Variants in ZHX3 observed in about 807,000 individuals in gnomAD.
ZHX3 encodes zinc fingers and homeoboxes protein 3.
In ZHX3, 20 loss-of-function variants were observed where a neutral mutation model predicts 64.5. The observed-to-expected ratio is 0.31, with a 90% CI of 0.22 to 0.45. The LOEUF (loss-of-function observed/expected upper bound fraction) is 0.45, where lower values mean the gene tolerates loss of function less well. ZHX3 is among the 20% of genes least tolerant of loss of function. The pLI is 1.00. For missense variants in ZHX3, 1,041 were observed against 1,195.8 expected (o/e 0.87, Z 1.91); for synonymous variants, 423 against 461.6 (o/e 0.92, Z 1.07).
At position 41,294,557 on chromosome 20, in the gene ZHX3, T is replaced by G. The variant is rs6016536; in HGVS notation, c.-245+22952A>C. Reference sequence around the variant, plus strand: ...TTTGTATTTTTAGTAGAGATGGAGTTTCAACATGTTGGCCAGGCTAGTCTC... The same window carrying G: ...TTTGTATTTTTAGTAGAGATGGAGTGTCAACATGTTGGCCAGGCTAGTCTC... On this transcript the variant is annotated intron_variant, in intron 1 of 3. Transcript: ENST00000683867. Among the ~76,000 whole-genome samples, 1,183 of 152,112 alleles carry G rather than the reference T, an allele frequency of 7.8e-3. 11 individuals are homozygous for G. The highest frequency in any genetic ancestry group is 0.027 in the African/African-American group (1,120 of 41,488).
rs550328823 is a variant in ZHX3, at chr20:41,305,027, G to A, written c.-245+12482C>T. ...ATGACTGAACAAGGACCATTACACA[G>A]ATAGAAGCATATCCATTCAATACTA... On this transcript the variant is annotated intron_variant, in intron 1 of 3. Coordinates refer to ENST00000683867, the MANE Select transcript of ZHX3 (RefSeq NM_001384317.1). Among the ~76,000 whole-genome samples, 3 of 152,292 alleles carry A rather than the reference G, an allele frequency of 2.0e-5. No individual in the cohort carries two copies. The East Asian group carries it at 5.8e-4, about 29-fold the overall frequency.
chr20:41,241,173 T>A (rs1238856442), intron 2 of ZHX3, among the ~76,000 whole-genome samples: 2 of 152,320 alleles, frequency 1.3e-5, no homozygotes, highest in East Asian at 3.9e-4. Context: ...CAGCATTTGT[T>A]ACTTATTGCC....
rs1384305225 is a variant in ZHX3 at position 41,224,626 on chromosome 20, G to A, written c.-150-19560C>T. Among the ~76,000 whole-genome samples the A allele has an allele frequency of 2.6e-5, 4 of 152,200 alleles. No individual in the cohort carries two copies. The East Asian group carries it at 5.8e-4, about 22-fold the overall frequency. ...TCACAGAGGAGGACTTTGAGGTGAA[G>A]TGACCCAGTGGGACAAGGAAACACT... On this transcript the variant is annotated intron_variant, in intron 2 of 3. Coordinates refer to ENST00000683867, the MANE Select transcript of ZHX3 (RefSeq NM_001384317.1). The surrounding 1 kb of genome is among the most constrained non-coding windows in gnomAD (Gnocchi z 5.2).
intron 1 of ZHX3, among the ~76,000 whole-genome samples, chr20:41,306,058 G>A (rs1203441602): frequency 6.6e-6 from 1 of 152,080 alleles, no homozygotes; most frequent in African/African-American, 2.4e-5. Context: ...AAGCCAATAT[G>A]TATTAAATCT....
chr20:41,214,973 G>C (rs1443633443), intron 2 of ZHX3, among the ~76,000 whole-genome samples: 1 of 152,134 alleles, frequency 6.6e-6, no homozygotes, highest in Non-Finnish European at 1.5e-5. Flanking sequence ...TCTTTAAATG[G>C]GGCCAGAGCA....
rs115350630 is a variant in ZHX3, at chr20:41,185,650, T to C, written c.2861-449A>G. On this transcript the variant is annotated intron_variant, in intron 3 of 3. Coordinates refer to ENST00000683867, the MANE Select transcript of ZHX3 (RefSeq NM_001384317.1). This position sits in a 1 kb window ranked among gnomAD's most constrained non-coding sequence, Gnocchi z 5.0. The stretch of plus-strand genomic sequence containing the variant: ...TATGTATTCTACTGATGTCTTCACT[T>C]CATTTGTAACTTGCAACCCTAACAT... 2.3e-3 allele frequency: 434 copies of C among 184,700 alleles called. No individual in the cohort carries two copies. Among genetic ancestry groups the C allele is most frequent in the African/African-American group, 9.2e-3 (395 of 42,858 alleles). The allele number at this position is 184,700 out of a possible 1,614,324, so 11.4% of individuals were successfully genotyped here.
At chr20:41,312,301 T>C (rs1022930767) in intron 1 of ZHX3, among the ~76,000 whole-genome samples, 4 of 152,086 alleles carry the variant, frequency 2.6e-5, no homozygotes, top group Non-Finnish European at 4.4e-5. Context: ...CAGCAGGACA[T>C]GGACAGGGAC....
intron 1 of ZHX3, among the ~76,000 whole-genome samples, chr20:41,286,705 C>A (rs1003425457): frequency 6.6e-6 from 1 of 152,174 alleles, no homozygotes; most frequent in African/African-American, 2.4e-5. Context: ...CTCTTCTCCC[C>A]TTGATTACTC....
chr20:41,275,282 C>T (rs894267757), intron 1 of ZHX3, among the ~76,000 whole-genome samples: 6 of 152,146 alleles, frequency 3.9e-5, no homozygotes, highest in Admixed American at 1.3e-4. Flanking sequence ...ATTTTGCGAT[C>T]TATAATGAAA....
Position 41,312,866 on chromosome 20 carries a change from G to T in ZHX3, c.-245+4643C>A, listed in dbSNP as rs187445978. Among the ~76,000 whole-genome samples the T allele has an allele frequency of 2.6e-5, 4 of 152,276 alleles. No homozygotes were observed. In the East Asian group the frequency reaches 5.8e-4, roughly 22 times the overall value. On this transcript the variant is annotated intron_variant, in intron 1 of 3. Transcript: ENST00000683867. ...AAGTGCAGTGGAAGCCACCAAGCAGGGGGGTGGCATGCTTGGGTTTACTCT... is the reference window on the plus strand; with the variant it reads ...AAGTGCAGTGGAAGCCACCAAGCAGTGGGGTGGCATGCTTGGGTTTACTCT...
chr20:41,252,733 A>G (rs1204410418), intron 2 of ZHX3, among the ~76,000 whole-genome samples: 2 of 152,182 alleles, frequency 1.3e-5, no homozygotes, highest in African/African-American at 4.8e-5. Flanking sequence ...TATTATTATA[A>G]AGGAGACAAC....
intron 1 of ZHX3, among the ~76,000 whole-genome samples, chr20:41,272,594 T>G (rs2043196256): frequency 6.6e-6 from 1 of 152,172 alleles, no homozygotes; most frequent in Non-Finnish European, 1.5e-5. Flanking sequence ...TAAAATTACC[T>G]CTTGTGGATA....
Position 41,204,894 on chromosome 20 carries a change from G to A in ZHX3, c.23C>T (p.Thr8Ile), listed in dbSNP as rs1408370082. 2 of 1,535,966 alleles carry A rather than the reference G, an allele frequency of 1.3e-6. No individual in the cohort carries two copies. Among genetic ancestry groups the A allele is most frequent in the East Asian group, 4.5e-5 (2 of 44,206 alleles). Residue 8 changes from threonine (T) to isoleucine (I), a missense_variant, in exon 3 of 4, where the codon ACC (threonine) becomes ATC (isoleucine). Coordinates refer to ENST00000683867, the MANE Select transcript of ZHX3 (RefSeq NM_001384317.1). This position sits in a 1 kb window ranked among gnomAD's most constrained non-coding sequence, Gnocchi z 6.6. The part of the protein sequence containing the change: MASKRKS[T>I]TPCMIPVKTV... ...CTTCACTGGGATCATGCATGGTGTG[G>A]TGGATTTCCTCTTGCTGGCCATGGT...
chr20:41,239,447 G>A (rs1186426965), intron 2 of ZHX3, among the ~76,000 whole-genome samples: 3 of 152,202 alleles, frequency 2.0e-5, no homozygotes, highest in African/African-American at 7.2e-5. Context: ...GGGCCGTCTT[G>A]GGGAGGTCTA....
rs563366835 is a variant in ZHX3 at position 41,217,844 on chromosome 20, T to G, written c.-150-12778A>C. 3.4e-4 allele frequency among the ~76,000 whole-genome samples: 52 copies of G among 152,360 alleles called. No homozygotes were observed. The South Asian group carries it at 0.011, about 31-fold the overall frequency. On this transcript the variant is annotated intron_variant, in intron 2 of 3. Coordinates refer to ENST00000683867, the MANE Select transcript of ZHX3 (RefSeq NM_001384317.1). ...GACATATTTTTGGCAGAGCCAGATA[T>G]TCTGATTCTAAATTCAGTGTTCTCT...
rs867923189 is a variant in ZHX3, at chr20:41,202,490, C to T, written c.2427G>A (p.Val809=). The change falls in exon 3 of 4, where the codon GTG becomes GTA. Residue 809 remains valine (V), a synonymous_variant. Coordinates refer to ENST00000683867, the MANE Select transcript of ZHX3 (RefSeq NM_001384317.1). This position sits in a 1 kb window ranked among gnomAD's most constrained non-coding sequence, Gnocchi z 7.0. ...AQTGLPRPEV[V]RWFGDSRYAL... ...CGTACCTGCTATCTCCAAACCAGCG[C>T]ACCACCTCTGGCCGTGGCAGACCCG... 21 of 1,614,214 alleles carry T rather than the reference C, an allele frequency of 1.3e-5. 1 individual carries two copies. In the Middle Eastern group the frequency reaches 2.3e-3, roughly 178 times the overall value.
chr20:41,316,481 T>C (rs762637360), intron 1 of ZHX3, among the ~76,000 whole-genome samples: 11 of 152,204 alleles, frequency 7.2e-5, no homozygotes, highest in Non-Finnish European at 1.2e-4. Flanking sequence ...ATAAAGAGCA[T>C]TGAGATAACA....
At chr20:41,299,247 A>T (rs1429448400) in intron 1 of ZHX3, among the ~76,000 whole-genome samples, 1 of 152,122 alleles carries the variant, frequency 6.6e-6, no homozygotes, top group African/African-American at 2.4e-5. Context: ...GTAAATAACA[A>T]CTCTATAATG....
Position 41,204,297 on chromosome 20 carries a change from G to A in ZHX3, c.620C>T (p.Pro207Leu), listed in dbSNP as rs745462980. The change falls in exon 3 of 4, where the codon CCT becomes CTT. Residue 207 changes from proline (P) to leucine (L), a missense_variant. Transcript: ENST00000683867. This position sits in a 1 kb window ranked among gnomAD's most constrained non-coding sequence, Gnocchi z 6.6. ...KKIHTLKENV[P>L]SQPVGEALPK... ...TAAGGCCTCACCCACAGGCTGGCTA[G>A]GGACATTCTCCTTGAGTGTATGAAT... 2 of 1,614,192 alleles carry A rather than the reference G, an allele frequency of 1.2e-6. No homozygotes were observed. Among genetic ancestry groups the A allele is most frequent in the South Asian group, 2.2e-5 (2 of 91,082 alleles).
Sources: gnomAD v4.1 joint callset for allele counts (sites outside exome capture counted in the v4.1 genomes callset) on GRCh38, gnomAD v4.1.1 for gene constraint, Gnocchi (gnomAD v3.1) non-coding constraint, MANE v1.5 for transcripts, NCBI Gene and HGNC (gene_info 2026-07-23, HGNC 2026-07-21) for gene names.